The following COQ5 variants were observed in gnomAD, a reference collection of about 807,000 sequenced individuals.
The protein encoded by COQ5 is 2-methoxy-6-polyprenyl-1,4-benzoquinol methylase, mitochondrial.
COQ5 carries 27 observed loss-of-function variants against 40.5 expected under a neutral mutation model. The observed-to-expected ratio is 0.67, with a 90% CI of 0.49 to 0.92. The LOEUF is 0.92. COQ5 is among the 40% of genes least tolerant of loss of function. The pLI is 0.00. For missense variants in COQ5, 409 were observed against 406.4 expected (o/e 1.01, Z -0.06); for synonymous variants, 141 against 150.0 (o/e 0.94, Z 0.44).
chr12:120,511,831 A>G (rs190456087), intron 3 of COQ5, among the ~76,000 whole-genome samples: 62 of 152,318 alleles, frequency 4.1e-4, no homozygotes, highest in African/African-American at 1.0e-3. Flanking sequence ...GTTGTGCTAC[A>G]TGCAAAACAT....
chr12:120,529,108 A>T lies in COQ5; in HGVS notation c.34T>A (p.Tyr12Asn). 6.2e-7 allele frequency: 1 copy of T among 1,614,028 alleles called. No homozygotes were observed. ...GCCCGCGACCACCCACGGCCGCAATAGCTCCATAGAGCACAGCTCCCGGGG... is the reference window on the plus strand; with the variant it reads ...GCCCGCGACCACCCACGGCCGCAATTGCTCCATAGAGCACAGCTCCCGGGG... ...AAPGSCALWS[Y>N]CGRGWSRAMR... The change falls in exon 1 of 7, where the codon TAT (tyrosine) becomes AAT (asparagine). Residue 12 changes from tyrosine to asparagine, a missense_variant. By Grantham distance (143) the Tyr-to-Asn change is moderately radical. Coordinates refer to ENST00000288532, the MANE Select transcript of COQ5 (RefSeq NM_032314.4).
At chr12:120,511,199 G>C (rs1869121592) in intron 3 of COQ5, among the ~76,000 whole-genome samples, 1 of 151,144 alleles carries the variant, frequency 6.6e-6, no homozygotes, top group Admixed American at 6.6e-5. Flanking sequence ...GGAGGTTGCA[G>C]TGAGCTGAGA....
chr12:120,510,172 C>T, intron 3 of COQ5, 49 bp from the exon 4 acceptor site: 1 of 1,422,052 alleles, frequency 7.0e-7, no homozygotes, highest in Non-Finnish European at 9.9e-7. Context: ...GCTGTTTTTC[C>T]TGCCCCCAGT....
chr12:120,510,154 T>C (rs1375892083), intron 3 of COQ5, 31 bp from the exon 4 acceptor site: 1 of 1,532,906 alleles, frequency 6.5e-7, no homozygotes, highest in Admixed American at 1.7e-5. Context: ...CGGGTCTCAG[T>C]GTGGGTAGCT....
intron 1 of COQ5, chr12:120,522,992 G>A (rs1189429329): frequency 1.8e-6 from 1 of 552,988 alleles, no homozygotes; most frequent in Non-Finnish European, 3.2e-6. Flanking sequence ...CAAAGCGCAT[G>A]TTCCTCAGGA....
At position 120,522,220 on chromosome 12, in the gene COQ5, C is replaced by T. The variant is rs1005570882; in HGVS notation, c.346G>A (p.Gly116Ser). 6.2e-7 allele frequency: 1 copy of T among 1,614,122 alleles called. No homozygotes were observed. Among genetic ancestry groups the T allele is most frequent in the Non-Finnish European group, 8.5e-7 (1 of 1,180,018 alleles). ...ATACCAAACTCGACATTACCTGTGC[C>T]TCCAGCAACATCAAGCAGCTGGGTC... ...PGTQLLDVAG[G>S]TGDIAFRFLN... The change falls in exon 2 of 7, where the codon GGC becomes AGC. Residue 116 changes from glycine to serine, a missense_variant. By Grantham distance (56) the Gly-to-Ser change is moderately conservative. Coordinates refer to ENST00000288532, the MANE Select transcript of COQ5 (RefSeq NM_032314.4).
intron 4 of COQ5, among the ~76,000 whole-genome samples, chr12:120,507,420 G>C (rs1451190743): frequency 5.3e-5 from 8 of 151,216 alleles, no homozygotes; most frequent in Non-Finnish European, 1.0e-4. Context: ...AAGTATCTGG[G>C]ACTATAGGCA....
At chr12:120,504,724 G>C in intron 5 of COQ5, 171 bp downstream of exon 5, 1 of 665,370 alleles carries the variant, frequency 1.5e-6, no homozygotes, top group Non-Finnish European at 2.7e-6. Context: ...AAGCCAACTT[G>C]GGTCTGGTTT....
intron 1 of COQ5, among the ~76,000 whole-genome samples, chr12:120,525,879 C>T (rs140592931): frequency 0.021 from 3,171 of 151,850 alleles, 104 homozygotes; most frequent in African/African-American, 0.071. Context: ...GAGCTGAGAT[C>T]GTGCCACCGC....
chr12:120,509,939 C>A, intron 4 of COQ5, 78 bp downstream of exon 4: 9 of 1,187,754 alleles, frequency 7.6e-6, no homozygotes, highest in Non-Finnish European at 1.1e-5. Flanking sequence ...AACTCTCCTT[C>A]TTTCCTCACT....
chr12:120,516,417 A>G (rs991760146), intron 3 of COQ5, 150 bp downstream of exon 3: 9 of 761,780 alleles, frequency 1.2e-5, no homozygotes, highest in Non-Finnish European at 2.1e-5. Flanking sequence ...ACAGCACACA[A>G]ACTAGATTCA....
chr12:120,526,281 A>T (rs1869939984), intron 1 of COQ5, among the ~76,000 whole-genome samples: 1 of 152,220 alleles, frequency 6.6e-6, no homozygotes, highest in African/African-American at 2.4e-5. Context: ...TAACTGGATA[A>T]ATGAAAGAGG....
At chr12:120,522,189 T>C in intron 2 of COQ5, 25 bp downstream of exon 2, 1 of 1,613,894 alleles carries the variant, frequency 6.2e-7, no homozygotes, top group Non-Finnish European at 8.5e-7. Context: ...TCAATGGTAG[T>C]GAAGGATACC....
At chr12:120,504,432 T>TTTTA (rs1158015808) in intron 5 of COQ5, 11 of 262,762 alleles carry the variant, frequency 4.2e-5, no homozygotes, top group Middle Eastern at 1.5e-3. Context: ...TTTTTTTTTT[T>TTTTA]AGAGATAGGG....
At chr12:120,508,344 G>A (rs1047470450) in intron 4 of COQ5, among the ~76,000 whole-genome samples, 7 of 151,450 alleles carry the variant, frequency 4.6e-5, no homozygotes, top group Admixed American at 4.0e-4. Context: ...CTGAGATCAC[G>A]TTACTGTACT....
intron 1 of COQ5, among the ~76,000 whole-genome samples, chr12:120,526,181 C>G (rs1329834092): frequency 1.3e-5 from 2 of 152,192 alleles, no homozygotes; most frequent in African/African-American, 4.8e-5. Flanking sequence ...CTTTAGGTGA[C>G]TGGTCACTGC....
In COQ5 at chr12:120,512,202, T is replaced by A. The variant is rs561892946; in HGVS notation, c.575-2079A>T. On this transcript the variant is annotated intron_variant, in intron 3 of 6. Transcript: ENST00000288532. ...TCCAGCCTGGGTGACAGAACGAGAC[T>A]CCGTCTCAAAAATAAAATAAAATAA... Among the ~76,000 whole-genome samples, 149 of 151,980 alleles carry A rather than the reference T, an allele frequency of 9.8e-4. 2 individuals carry two copies. Among genetic ancestry groups the A allele is most frequent in the Non-Finnish European group, 1.7e-3 (114 of 67,986 alleles).
chr12:120,518,054 G>C (rs56029862), intron 2 of COQ5, among the ~76,000 whole-genome samples: 2 of 151,828 alleles, frequency 1.3e-5, no homozygotes, highest in African/African-American at 4.8e-5. Context: ...TGATCCACTC[G>C]CCTCGGCCTC....
chr12:120,510,519 G>A (rs1565929868), intron 3 of COQ5, among the ~76,000 whole-genome samples: 1 of 152,036 alleles, frequency 6.6e-6, no homozygotes. Context: ...TCGTCATCTT[G>A]CCCAGGCTGG....
Sources: gnomAD v4.1 joint callset for allele counts (sites outside exome capture counted in the v4.1 genomes callset) on GRCh38, gnomAD v4.1.1 for gene constraint, MANE v1.5 for transcripts, NCBI Gene and HGNC (gene_info 2026-07-23, HGNC 2026-07-21) for gene names.